SPTBN1: variants seen among roughly 807,000 people sequenced by gnomAD.
SPTBN1 encodes the protein spectrin beta chain, non-erythrocytic 1.
In SPTBN1, 32 loss-of-function variants were observed where a neutral mutation model predicts 266.4. That is an observed-to-expected ratio of 0.12 (90% CI 0.09 to 0.16). The LOEUF (loss-of-function observed/expected upper bound fraction) is 0.16. SPTBN1 is among the 10% of genes least tolerant of loss of function. The pLI, the probability that SPTBN1 is intolerant of heterozygous loss-of-function variation, is 1.00. For missense variants in SPTBN1, 2,296 were observed against 3,067.1 expected (o/e 0.75, Z 5.94); for synonymous variants, 1,336 against 1,162.2 (o/e 1.15, Z -3.04).
chr2:54,547,508 T>A (rs1264229811), intron 2 of SPTBN1, among the ~76,000 whole-genome samples: 2 of 152,218 alleles, frequency 1.3e-5, no homozygotes, highest in Admixed American at 6.5e-5. Context: ...ATGGTAGTTA[T>A]ATTTTTAATT....
intron 1 of SPTBN1, among the ~76,000 whole-genome samples, chr2:54,511,257 T>C (rs1669843991): frequency 6.6e-6 from 1 of 152,238 alleles, no homozygotes; most frequent in African/African-American, 2.4e-5. Context: ...TTAACTGACT[T>C]TTGTTACCAA....
In SPTBN1 at chr2:54,646,003, A is replaced by G. The variant is rs1429177630; in HGVS notation, c.4570A>G (p.Ile1524Val). 3 of 1,614,130 alleles carry G rather than the reference A, an allele frequency of 1.9e-6. No individual in the cohort carries two copies. Among genetic ancestry groups the G allele is most frequent in the Non-Finnish European group, 2.5e-6 (3 of 1,180,048 alleles). ...CAACCTCCAGACTGTGCAGCTGTTA[A>G]TAAAGAAAAATCAGGTAAGCCTTTC... is the stretch of plus-strand genomic sequence containing the variant. ...GHNLQTVQLL[I>V]KKNQTLQKEI... Residue 1524 changes from isoleucine (I) to valine (V), a missense_variant, in exon 22 of 36, where the codon ATA becomes GTA. Physicochemically the swap from Ile to Val is conservative, Grantham distance 29 (BLOSUM62 3). Transcript: ENST00000356805. The surrounding 1 kb of genome is among the most constrained non-coding windows in gnomAD (Gnocchi z 4.4).
chr2:54,668,711 T>A lies in SPTBN1; in HGVS notation c.*142T>A. ...TTTTTTTTTTAATTTATAGAGCATT[T>A]CGGGGGGGGTGGGGGAAACACACCT... On this transcript the variant is annotated 3_prime_UTR_variant, in exon 36 of 36. Transcript: ENST00000356805. 13 of 440,226 alleles carry A rather than the reference T, an allele frequency of 3.0e-5. No homozygotes were observed. The highest frequency in any genetic ancestry group is 5.2e-5 in the Non-Finnish European group (13 of 250,282). The allele number at this position is 440,226 out of a possible 1,614,324, so 27.3% of individuals were successfully genotyped here. A position where few individuals can be genotyped will look rare whatever the true frequency, so the allele number is the denominator to read the frequency against.
At chr2:54,541,178 G>C (rs577540366) in intron 2 of SPTBN1, among the ~76,000 whole-genome samples, 28 of 152,306 alleles carry the variant, frequency 1.8e-4, no homozygotes, top group African/African-American at 6.7e-4. Context: ...CGATTTTGGA[G>C]AAGTAAGCCT....
chr2:54,526,302 A>T, intron 1 of SPTBN1, 70 bp from the exon 2 acceptor site: 1 of 1,279,426 alleles, frequency 7.8e-7, no homozygotes, highest in Non-Finnish European at 1.1e-6. Flanking sequence ...GCTCACTCTT[A>T]TCCCAGTTGG....
chr2:54,666,097 C>A lies in SPTBN1; in HGVS notation c.6833+9C>A. On this transcript the variant is annotated intron_variant, in intron 34 of 35. Transcript: ENST00000356805. ...CACGTATTCAAGCTAAGGTGAGAGT[C>A]GCCGTGCTTCATGGCTGCCAGAGTG... The A allele has an allele frequency of 6.2e-7, 1 of 1,604,586 alleles. No homozygotes were observed. The highest frequency in any genetic ancestry group is 1.1e-5 in the South Asian group (1 of 89,614).
chr2:54,666,005 C>A lies in SPTBN1; in HGVS notation c.6750C>A (p.His2250Gln). 1.2e-6 allele frequency: 2 copies of A among 1,614,162 alleles called. No individual in the cohort carries two copies. Among genetic ancestry groups the A allele is most frequent in the Non-Finnish European group, 1.7e-6 (2 of 1,180,038 alleles). ...CTGCTGCTTCTGGAATTCCCTACCA[C>A]AGCGAGGTCCCTGTGAGTTTGAAAG... is the stretch of plus-strand genomic sequence containing the variant. Reference protein sequence around the residue: ...AKTAASGIPYHSEVPVSLKEA... With the variant: ...AKTAASGIPYQSEVPVSLKEA... The change falls in exon 34 of 36, where the codon CAC becomes CAA. Residue 2250 changes from histidine to glutamine, a missense_variant. His to Gln is a conservative substitution (Grantham distance 24). Transcript: ENST00000356805.
chr2:54,518,144 C>T (rs557328543), intron 1 of SPTBN1, among the ~76,000 whole-genome samples: 181 of 152,148 alleles, frequency 1.2e-3, no homozygotes, highest in Non-Finnish European at 2.2e-3. Context: ...GATGCAATCT[C>T]GGTCCTTTTT....
intron 2 of SPTBN1, chr2:54,527,559 T>C (rs1038583462): frequency 7.9e-5 from 12 of 152,194 alleles, no homozygotes; most frequent in African/African-American, 2.9e-4. Flanking sequence ...GCAAATTCAG[T>C]CTTTAAGCAA....
intron 2 of SPTBN1, chr2:54,527,498 C>G (rs1298501182): frequency 2.0e-5 from 3 of 152,166 alleles, no homozygotes; most frequent in South Asian, 4.1e-4. Context: ...CAAAGGAAAC[C>G]TAACCCAGAG....
intron 3 of SPTBN1, among the ~76,000 whole-genome samples, chr2:54,604,224 C>CA (rs1676686637): frequency 2.0e-5 from 3 of 152,238 alleles, no homozygotes; most frequent in Admixed American, 2.0e-4. Context: ...AAAGAAGGGG[C>CA]AGGGAGTACA....
chr2:54,561,014 A>G (rs1673261577), intron 2 of SPTBN1, among the ~76,000 whole-genome samples: 1 of 152,242 alleles, frequency 6.6e-6, no homozygotes, highest in Non-Finnish European at 1.5e-5. Flanking sequence ...TTGATAACAT[A>G]TAATTTCTAT....
At chr2:54,637,416 G>T (rs934922335) in intron 17 of SPTBN1, among the ~76,000 whole-genome samples, 1 of 152,110 alleles carries the variant, frequency 6.6e-6, no homozygotes, top group Admixed American at 6.5e-5. Flanking sequence ...TACAAAGCGT[G>T]TGCTCATATT....
chr2:54,467,527 T>G (rs1358213687), intron 1 of SPTBN1, among the ~76,000 whole-genome samples: 1 of 151,998 alleles, frequency 6.6e-6, no homozygotes, highest in African/African-American at 2.4e-5. Flanking sequence ...CCCGAGTAGC[T>G]GGCGCCTGCC....
chr2:54,552,109 A>G (rs946520424), intron 2 of SPTBN1, among the ~76,000 whole-genome samples: 2 of 152,174 alleles, frequency 1.3e-5, no homozygotes, highest in Non-Finnish European at 2.9e-5. Flanking sequence ...CCAAAAATCC[A>G]GAGGAGTGGT....
intron 1 of SPTBN1, among the ~76,000 whole-genome samples, chr2:54,475,266 A>C (rs1667768717): frequency 6.6e-6 from 1 of 152,178 alleles, no homozygotes; most frequent in African/African-American, 2.4e-5. Flanking sequence ...CAATTATAAG[A>C]ACAGCTTATT....
intron 1 of SPTBN1, among the ~76,000 whole-genome samples, chr2:54,495,352 T>C (rs1459754794): frequency 1.3e-5 from 2 of 152,280 alleles, no homozygotes; most frequent in Middle Eastern, 3.4e-3. Flanking sequence ...GGAACCCTTA[T>C]GTGATGCCAC....
Position 54,558,596 on chromosome 2 carries a change from G to A in SPTBN1, c.148+32030G>A. 1 of 1,395,508 alleles carries A rather than the reference G, an allele frequency of 7.2e-7. No homozygotes were observed. The allele number at this position is 1,395,508 out of a possible 1,614,324, so 86.4% of individuals were successfully genotyped here. ...GATGCCTGTGTGGTAACTCCTCGCG[G>A]AGCTAAGGTGGACTCTCTTGCAGCC... On this transcript the variant is annotated intron_variant, in intron 2 of 35. Transcript: ENST00000356805. The surrounding 1 kb of genome is among the most constrained non-coding windows in gnomAD (Gnocchi z 4.6).
At chr2:54,468,884 C>T (rs1693776074) in intron 1 of SPTBN1, among the ~76,000 whole-genome samples, 1 of 152,184 alleles carries the variant, frequency 6.6e-6, no homozygotes, top group African/African-American at 2.4e-5. Flanking sequence ...TTTGAAATAC[C>T]TATCCCATAA....
Sources: gnomAD v4.1 joint callset for allele counts (sites outside exome capture counted in the v4.1 genomes callset) on GRCh38, gnomAD v4.1.1 for gene constraint, Gnocchi (gnomAD v3.1) non-coding constraint, MANE v1.5 for transcripts, NCBI Gene and HGNC (gene_info 2026-07-23, HGNC 2026-07-21) for gene names.